CDKAL1: variants seen among roughly 807,000 people sequenced by gnomAD.
The protein encoded by CDKAL1 is CDKAL1 threonylcarbamoyladenosine tRNA methylthiotransferase, also known as threonylcarbamoyladenosine tRNA methylthiotransferase.
In CDKAL1, 32 loss-of-function variants were observed where a neutral mutation model predicts 68.2. The ratio of observed to expected loss-of-function variants is 0.47; its 90% confidence interval spans 0.35 to 0.63. The LOEUF (loss-of-function observed/expected upper bound fraction) is 0.63, where lower values mean the gene tolerates loss of function less well. CDKAL1 is among the 30% of genes least tolerant of loss of function. CDKAL1 has a pLI of 0.00. For missense variants in CDKAL1, 606 were observed against 696.7 expected, an observed-to-expected ratio of 0.87 and a Z score of 1.47; for synonymous variants, 234 against 244.3, an observed-to-expected ratio of 0.96 and a Z score of 0.39.
At chr6:21,185,594 C>G (rs1377191302) in intron 13 of CDKAL1, among the ~76,000 whole-genome samples, 2 of 152,258 alleles carry the variant, frequency 1.3e-5, no homozygotes, top group East Asian at 1.9e-4. Flanking sequence ...TAGGTCTGAA[C>G]CAAAGTACTC....
chr6:20,599,958 T>C (rs1766011586), intron 4 of CDKAL1, among the ~76,000 whole-genome samples: 1 of 152,170 alleles, frequency 6.6e-6, no homozygotes, highest in South Asian at 2.1e-4. Context: ...AATTTACCTT[T>C]TCATACTAGA....
At chr6:20,582,653 CATTCTCATTATTA>C (rs1444983107) in intron 4 of CDKAL1, among the ~76,000 whole-genome samples, 1 of 152,142 alleles carries the variant, frequency 6.6e-6, no homozygotes, top group Non-Finnish European at 1.5e-5. Flanking sequence ...GGAGCCCCTC[CATTCTCATTATTA>C]AAGATCAGTT....
At chr6:20,871,391 C>T (rs1760207664) in intron 9 of CDKAL1, among the ~76,000 whole-genome samples, 1 of 152,088 alleles carries the variant, frequency 6.6e-6, no homozygotes, top group Non-Finnish European at 1.5e-5. Context: ...ATCACAGCCA[C>T]TACAAATAGC....
intron 9 of CDKAL1, among the ~76,000 whole-genome samples, chr6:20,851,510 G>A (rs1759011009): frequency 1.3e-5 from 2 of 152,096 alleles, no homozygotes; most frequent in African/African-American, 4.8e-5. Context: ...TGATGGATGA[G>A]CTGTTTTTAT....
chr6:21,177,727 A>G (rs1038523182), intron 13 of CDKAL1, among the ~76,000 whole-genome samples: 22 of 151,830 alleles, frequency 1.4e-4, no homozygotes, highest in African/African-American at 5.3e-4. Context: ...GGATCTATCC[A>G]AACATTGGTT....
chr6:20,581,215 A>C (rs1765132147), intron 4 of CDKAL1, among the ~76,000 whole-genome samples: 1 of 152,088 alleles, frequency 6.6e-6, no homozygotes, highest in African/African-American at 2.4e-5. Flanking sequence ...GGAGCATTGG[A>C]TGTTGTTTGT....
At chr6:20,774,200 A>G (rs865801188) in intron 7 of CDKAL1, among the ~76,000 whole-genome samples, 4 of 152,194 alleles carry the variant, frequency 2.6e-5, no homozygotes, top group Non-Finnish European at 5.9e-5. Context: ...TAGAGCCTTT[A>G]GAAAAAAGTA....
chr6:20,614,702 T>A (rs1054389820), intron 4 of CDKAL1, among the ~76,000 whole-genome samples: 1 of 152,214 alleles, frequency 6.6e-6, no homozygotes, highest in Non-Finnish European at 1.5e-5. Context: ...CAATCCCAGA[T>A]AACATGTCAT....
chr6:21,108,962 G>A lies in CDKAL1; in HGVS notation c.1299+499G>A, dbSNP rs996042674. Among the ~76,000 whole-genome samples, 104 of 152,050 alleles carry A rather than the reference G, an allele frequency of 6.8e-4. 1 individual carries two copies. The highest frequency in any genetic ancestry group is 5.1e-4 in the African/African-American group (21 of 41,404). On this transcript the variant is annotated intron_variant, in intron 13 of 15. Transcript: ENST00000274695. ...ACAGAAAATGACCAAATAACGTGAC[G>A]ACCCACATGTACCCATCCCACAGCT...
chr6:20,601,036 C>T lies in CDKAL1; in HGVS notation c.287-48257C>T, dbSNP rs1316747263. ...TATTTACTCAGATTGATCCCGGATC[C>T]CCTGAGGGAATTGGCAGTTTCCTCT... On this transcript the variant is annotated intron_variant, in intron 4 of 15. Transcript: ENST00000274695. Among the ~76,000 whole-genome samples, 4 of 151,776 alleles carry T rather than the reference C, an allele frequency of 2.6e-5. 1 individual carries two copies. The highest frequency in any genetic ancestry group is 5.9e-5 in the Non-Finnish European group (4 of 67,932).
chr6:21,023,048 G>C (rs1299279298), intron 11 of CDKAL1, among the ~76,000 whole-genome samples: 1 of 152,028 alleles, frequency 6.6e-6, no homozygotes, highest in Non-Finnish European at 1.5e-5. Context: ...AAGGCATGAG[G>C]ATAAATGTAG....
intron 10 of CDKAL1, among the ~76,000 whole-genome samples, chr6:20,982,048 C>CTTATTTATTTATTTAT (rs35693086): frequency 1.4e-4 from 21 of 147,076 alleles, no homozygotes; most frequent in African/African-American, 2.5e-4. Flanking sequence ...GAAGGAAATT[C>CTTATTTATTTATTTAT]TTATTTATTT....
intron 15 of CDKAL1, among the ~76,000 whole-genome samples, chr6:21,225,961 A>G (rs1474298954): frequency 1.3e-5 from 2 of 152,210 alleles, no homozygotes; most frequent in Non-Finnish European, 2.9e-5. Context: ...TAAAAACCCT[A>G]TGATGCACAA....
intron 12 of CDKAL1, among the ~76,000 whole-genome samples, chr6:21,093,307 T>C (rs1467813905): frequency 6.6e-6 from 1 of 152,224 alleles, no homozygotes; most frequent in Non-Finnish European, 1.5e-5. Flanking sequence ...CCTAGGATTT[T>C]GTACCCACCA....
chr6:20,558,811 A>G (rs1764158783), intron 4 of CDKAL1: 2 of 347,774 alleles, frequency 5.8e-6, no homozygotes, highest in African/African-American at 4.3e-5. Context: ...AAGTCGACAT[A>G]AGAGAATTAG....
chr6:20,875,527 T>C (rs899065570), intron 9 of CDKAL1, among the ~76,000 whole-genome samples: 1 of 152,184 alleles, frequency 6.6e-6, no homozygotes, highest in African/African-American at 2.4e-5. Flanking sequence ...TTCACCATTG[T>C]CTCTGAGATG....
intron 8 of CDKAL1, among the ~76,000 whole-genome samples, chr6:20,841,269 A>G (rs1778163691): frequency 6.6e-6 from 1 of 152,182 alleles, no homozygotes; most frequent in Non-Finnish European, 1.5e-5. Context: ...TGGTTTTTGC[A>G]TATTCAGGTT....
chr6:20,571,563 A>T (rs953585487), intron 4 of CDKAL1, among the ~76,000 whole-genome samples: 1 of 152,094 alleles, frequency 6.6e-6, no homozygotes, highest in African/African-American at 2.4e-5. Flanking sequence ...TGGGGGGAAA[A>T]GTACCCTGTA....
chr6:21,127,939 T>C (rs1468746429), intron 13 of CDKAL1, among the ~76,000 whole-genome samples: 1 of 152,218 alleles, frequency 6.6e-6, no homozygotes, highest in Non-Finnish European at 1.5e-5. Flanking sequence ...CCTGAATAAG[T>C]TATTTATTTT....
Sources: gnomAD v4.1 joint callset for allele counts (sites outside exome capture counted in the v4.1 genomes callset) on GRCh38, gnomAD v4.1.1 for gene constraint, MANE v1.5 for transcripts, NCBI Gene and HGNC (gene_info 2026-07-23, HGNC 2026-07-21) for gene names.